TLCD4: variants seen among roughly 807,000 people sequenced by gnomAD.
TLCD4 encodes TLC domain-containing protein 4.
In TLCD4, 7 loss-of-function variants were observed where a neutral mutation model predicts 24.2. The observed-to-expected ratio is 0.29, with a 90% confidence interval of 0.16 to 0.54. The LOEUF (loss-of-function observed/expected upper bound fraction) is 0.54. Ranked by LOEUF, TLCD4 falls within the 20% of genes least tolerant of loss-of-function variation. The pLI, the probability that TLCD4 is intolerant of heterozygous loss-of-function variation, is 0.95. For synonymous variants in TLCD4, 103 were observed against 106.4 expected (o/e 0.97, Z 0.20); for missense variants, 259 against 313.9 (o/e 0.82, Z 1.32).
chr1:95,193,267 T>A lies in TLCD4; in HGVS notation c.*1399T>A, dbSNP rs1307272107. 6.6e-6 allele frequency: 1 copy of A among 152,186 alleles called. No individual in the cohort carries two copies. The highest frequency in any genetic ancestry group is 1.5e-5 in the Non-Finnish European group (1 of 67,988). The allele number at this position is 152,186 out of a possible 1,614,324, so 9.4% of individuals were successfully genotyped here. A position where few individuals can be genotyped will look rare whatever the true frequency, so the allele number is the denominator to read the frequency against. On this transcript the variant is annotated 3_prime_UTR_variant, in exon 7 of 7. Transcript: ENST00000370203. ...AAAAGGTAATTTAATCCAAGTATTC[T>A]ATCATCAAAATTATTGTCTGATTAT...
intron 1 of TLCD4, among the ~76,000 whole-genome samples, chr1:95,123,386 G>C (rs185635262): frequency 6.6e-5 from 10 of 152,184 alleles, no homozygotes; most frequent in African/African-American, 1.7e-4. Context: ...CAAGAGGAAG[G>C]CTTGATCACC....
At chr1:95,163,278 C>T (rs1181918627) in intron 5 of TLCD4, 3 of 152,124 alleles carry the variant, frequency 2.0e-5, no homozygotes, top group African/African-American at 7.2e-5. Flanking sequence ...CCCTTTCTTC[C>T]ACTTGATCAA....
At chr1:95,155,286 C>T (rs1183666625) in intron 5 of TLCD4, among the ~76,000 whole-genome samples, 2 of 152,072 alleles carry the variant, frequency 1.3e-5, no homozygotes, top group African/African-American at 2.4e-5. Context: ...TCAGAAAAAT[C>T]CTGTTTTGTT....
At chr1:95,189,221 T>C (rs981775084) in intron 6 of TLCD4, among the ~76,000 whole-genome samples, 1 of 152,202 alleles carries the variant, frequency 6.6e-6, no homozygotes, top group African/African-American at 2.4e-5. Flanking sequence ...TTGCGTGAAC[T>C]AGAGTACATT....
intron 1 of TLCD4, among the ~76,000 whole-genome samples, chr1:95,136,670 C>CT (rs1677050813): frequency 6.6e-6 from 1 of 152,106 alleles, no homozygotes; most frequent in Admixed American, 6.5e-5. Context: ...GATCTAGCCA[C>CT]TTTTTTTGGT....
At position 95,197,048 on chromosome 1, in the gene TLCD4, T is replaced by C. The variant is rs1031233932; in HGVS notation, c.*5180T>C. ...GTAAATAGAACTATAGTGATATATA[T>C]AGATACATAGATATATACTTTTTTC... On this transcript the variant is annotated 3_prime_UTR_variant, in exon 7 of 7. Coordinates refer to ENST00000370203, the MANE Select transcript of TLCD4 (RefSeq NM_152487.3). 2.0e-5 allele frequency: 3 copies of C among 152,148 alleles called. No individual in the cohort carries two copies. The highest frequency in any genetic ancestry group is 2.9e-5 in the Non-Finnish European group (2 of 67,998). 9.4% of individuals were successfully genotyped at this position (152,148 alleles called of 1,614,324 possible). A position where few individuals can be genotyped will look rare whatever the true frequency, so the allele number is the denominator to read the frequency against.
intron 6 of TLCD4, chr1:95,174,216 T>G (rs1678336947): frequency 4.0e-6 from 1 of 252,950 alleles, no homozygotes; most frequent in Non-Finnish European, 7.5e-6. Context: ...AATCTTAGAT[T>G]TGAGTGGGGC....
intron 5 of TLCD4, among the ~76,000 whole-genome samples, chr1:95,167,212 A>G (rs1678046937): frequency 6.6e-6 from 1 of 152,092 alleles, no homozygotes; most frequent in Non-Finnish European, 1.5e-5. Flanking sequence ...CTTTGCCCCA[A>G]GTTGCCACCA....
intron 1 of TLCD4, among the ~76,000 whole-genome samples, chr1:95,127,167 T>G (rs1415799256): frequency 6.6e-6 from 1 of 152,222 alleles, no homozygotes; most frequent in Admixed American, 6.5e-5. Context: ...AGGCTTTGAC[T>G]CTAGGTATCT....
In TLCD4 at chr1:95,193,908, T is replaced by C. The variant is rs982270619; in HGVS notation, c.*2040T>C. ...TGCAGGAAAAGTGGCTTTAAAAAAA[T>C]TTATATAATAAAACTATTTTGGAAA... On this transcript the variant is annotated 3_prime_UTR_variant, in exon 7 of 7. Coordinates refer to ENST00000370203, the MANE Select transcript of TLCD4 (RefSeq NM_152487.3). 1 of 152,034 alleles carries C rather than the reference T, an allele frequency of 6.6e-6. No individual in the cohort carries two copies. The highest frequency in any genetic ancestry group is 2.4e-5 in the African/African-American group (1 of 41,448). The allele number at this position is 152,034 out of a possible 1,614,324, so 9.4% of individuals were successfully genotyped here.
chr1:95,115,452 C>T (rs567507205), upstream of TLCD4, among the ~76,000 whole-genome samples: 125 of 152,244 alleles, frequency 8.2e-4, no homozygotes, highest in Non-Finnish European at 1.4e-3. Context: ...CTGAATTTTT[C>T]AGGAAAAAAT....
At chr1:95,140,845 A>G (rs1677180105) in intron 1 of TLCD4, 1 of 152,206 alleles carries the variant, frequency 6.6e-6, no homozygotes, top group African/African-American at 2.4e-5. Context: ...CTTTGGTTTT[A>G]TCACTTTTTA....
intron 5 of TLCD4, among the ~76,000 whole-genome samples, chr1:95,165,472 T>G (rs867667590): frequency 5.3e-5 from 8 of 151,716 alleles, no homozygotes; most frequent in African/African-American, 1.9e-4. Flanking sequence ...TGTGTGTTTT[T>G]TTTTTTTTTT....
chr1:95,170,511 A>G (rs1041984884), intron 5 of TLCD4, among the ~76,000 whole-genome samples: 3 of 151,902 alleles, frequency 2.0e-5, no homozygotes, highest in African/African-American at 7.3e-5. Context: ...TTGTATTTTT[A>G]GTAGAGACAG....
At chr1:95,147,318 C>T (rs1326318793) in intron 2 of TLCD4, among the ~76,000 whole-genome samples, 1 of 152,112 alleles carries the variant, frequency 6.6e-6, no homozygotes, top group Non-Finnish European at 1.5e-5. Context: ...AGGTGACCCG[C>T]CCACCTTGGC....
At chr1:95,149,963 T>G (rs1281902563) in intron 3 of TLCD4, among the ~76,000 whole-genome samples, 1 of 152,168 alleles carries the variant, frequency 6.6e-6, no homozygotes, top group African/African-American at 2.4e-5. Context: ...GTAGTTCACT[T>G]TGTAACTATC....
At chr1:95,171,468 A>C (rs1237277730) in intron 5 of TLCD4, among the ~76,000 whole-genome samples, 1 of 152,182 alleles carries the variant, frequency 6.6e-6, no homozygotes, top group African/African-American at 2.4e-5. Flanking sequence ...TATCATTGAC[A>C]TTGCCCGTTG....
rs1679123671 is a variant in TLCD4, at chr1:95,194,291, C to T, written c.*2423C>T. On this transcript the variant is annotated 3_prime_UTR_variant, in exon 7 of 7. Transcript: ENST00000370203. ...TCCTGAAGTAGGTTCTATATATTTC[C>T]TCATACAACAGACATGGAATGGAAA... The T allele has an allele frequency of 6.6e-6, 1 of 152,038 alleles. No individual in the cohort carries two copies. The highest frequency in any genetic ancestry group is 6.6e-5 in the Admixed American group (1 of 15,254). The allele number at this position is 152,038 out of a possible 1,614,324, so 9.4% of individuals were successfully genotyped here.
At chr1:95,109,768 C>T in the TLCD4 span, among the ~76,000 whole-genome samples, 1 of 151,496 alleles carries the variant, frequency 6.6e-6, no homozygotes, top group African/African-American at 2.4e-5. Flanking sequence ...GTATTACAAG[C>T]GTGAGTCACC....
Sources: allele counts gnomAD v4.1 joint callset (sites outside exome capture counted in the v4.1 genomes callset), GRCh38; gene constraint gnomAD v4.1.1; transcripts MANE v1.5; gene names NCBI Gene and HGNC (gene_info 2026-07-23, HGNC 2026-07-21).